TENM3: variants seen among roughly 807,000 people sequenced by gnomAD.
TENM3 encodes teneurin-3.
A neutral mutation model predicts 255.1 loss-of-function variants in TENM3; 63 were observed. The observed-to-expected ratio is 0.25, with a 90% CI of 0.20 to 0.30. The LOEUF (loss-of-function observed/expected upper bound fraction) is 0.30, where lower values mean the gene tolerates loss of function less well. Ranked by LOEUF, TENM3 falls within the 10% of genes least tolerant of loss-of-function variation. The pLI is 1.00. For synonymous variants in TENM3, 1,306 were observed against 1,322.3 expected, an observed-to-expected ratio of 0.99 and a Z score of 0.27; for missense variants, 2,929 against 3,461.1, an observed-to-expected ratio of 0.85 and a Z score of 3.86.
chr4:182,304,869 G>A lies in TENM3; in HGVS notation c.-75-19077G>A, dbSNP rs1159218558. ...CAGTGGTTTGCAGCCACCGTACTTC[G>A]GCTTACTGATGTGCTGCACGTGAAT... On this transcript the variant is annotated intron_variant, in intron 1 of 27. Transcript: ENST00000511685. 2.0e-5 allele frequency among the ~76,000 whole-genome samples: 3 copies of A among 152,120 alleles called. 1 individual carries two copies. Among genetic ancestry groups the A allele is most frequent in the East Asian group, 3.9e-4 (2 of 5,188 alleles).
At chr4:182,751,434 T>C (rs1762364751) in intron 19 of TENM3, among the ~76,000 whole-genome samples, 1 of 152,248 alleles carries the variant, frequency 6.6e-6, no homozygotes, top group South Asian at 2.1e-4. Context: ...AAACTTTATG[T>C]CCCTCATTCA....
chr4:181,946,132 AATG>A, the TENM3 span, among the ~76,000 whole-genome samples: 2 of 152,238 alleles, frequency 1.3e-5, no homozygotes, highest in African/African-American at 4.8e-5. Context: ...CACCATTATA[AATG>A]ATGATGCAGT....
the TENM3 span, among the ~76,000 whole-genome samples, chr4:181,850,405 G>T: frequency 1.3e-5 from 2 of 151,648 alleles, no homozygotes; most frequent in Non-Finnish European, 2.9e-5. Context: ...AATAAATTTT[G>T]GTATTTGCTT....
At chr4:182,735,664 G>A (rs1761107634) in intron 16 of TENM3, among the ~76,000 whole-genome samples, 1 of 152,188 alleles carries the variant, frequency 6.6e-6, no homozygotes, top group African/African-American at 2.4e-5. Context: ...GGAGAAAGTA[G>A]TGAGTTCCTG....
At chr4:181,624,749 T>G in the TENM3 span, among the ~76,000 whole-genome samples, 1 of 152,212 alleles carries the variant, frequency 6.6e-6, no homozygotes, top group Non-Finnish European at 1.5e-5. Context: ...ACAATTGACT[T>G]GCCCACAGTT....
At chr4:181,647,482 A>G in the TENM3 span, among the ~76,000 whole-genome samples, 2 of 152,200 alleles carry the variant, frequency 1.3e-5, no homozygotes, top group African/African-American at 2.4e-5. Flanking sequence ...AAAGGGTGCA[A>G]TATGTGTGAT....
intron 3 of TENM3, among the ~76,000 whole-genome samples, chr4:182,416,241 T>G (rs1770350038): frequency 6.6e-6 from 1 of 152,164 alleles, no homozygotes; most frequent in African/African-American, 2.4e-5. Context: ...TTATTCAAGT[T>G]GAGTTGAGGT....
rs574703332 is a variant in TENM3, at chr4:182,473,456, G to A, written c.511+126527G>A. Among the ~76,000 whole-genome samples the A allele has an allele frequency of 3.3e-5, 5 of 152,244 alleles. 1 individual carries two copies. The South Asian group carries it at 6.2e-4, about 19-fold the overall frequency. On this transcript the variant is annotated intron_variant, in intron 3 of 27. Coordinates refer to ENST00000511685, the MANE Select transcript of TENM3 (RefSeq NM_001080477.4). ...TGGGAGGCCAAGGCGGGTGGATCAC[G>A]AAGTCAGGAGATCGAGACCATGCTG...
intron 1 of TENM3, among the ~76,000 whole-genome samples, chr4:182,182,250 A>G (rs1455242940): frequency 1.3e-5 from 2 of 152,160 alleles, no homozygotes; most frequent in South Asian, 2.1e-4. Flanking sequence ...CTATTATTCT[A>G]TGATGCCAAT....
rs568131111 is a variant in TENM3, at chr4:182,360,653, G to C, written c.511+13724G>C. On this transcript the variant is annotated intron_variant, in intron 3 of 27. Transcript: ENST00000511685. ...ATGGGTTTCCTGAATACAACACACT[G>C]ATGGGTCTTGACTCTTTATCCAATT... is the stretch of plus-strand genomic sequence containing the variant. Among the ~76,000 whole-genome samples, 4 of 152,240 alleles carry C rather than the reference G, an allele frequency of 2.6e-5. No individual in the cohort carries two copies. The East Asian group carries it at 7.7e-4, about 29-fold the overall frequency.
At chr4:182,259,415 G>A (rs76928732) in intron 1 of TENM3, among the ~76,000 whole-genome samples, 1,749 of 152,144 alleles carry the variant, frequency 0.011, 40 homozygotes, top group African/African-American at 0.038. Flanking sequence ...GGGCTTCAGC[G>A]ATTCTCCCAC....
chr4:182,538,981 G>A (rs1166693129), intron 3 of TENM3, among the ~76,000 whole-genome samples: 1 of 151,912 alleles, frequency 6.6e-6, no homozygotes, highest in African/African-American at 2.4e-5. Context: ...CTGTGGCTGA[G>A]TAGCTCAAGG....
the TENM3 span, among the ~76,000 whole-genome samples, chr4:181,892,112 A>G: frequency 6.6e-6 from 1 of 152,168 alleles, no homozygotes; most frequent in Non-Finnish European, 1.5e-5. Flanking sequence ...ATAAATTTCT[A>G]TTCTTTGCAA....
chr4:182,379,784 G>C lies in TENM3; in HGVS notation c.511+32855G>C, dbSNP rs942830073. ...TCCAGGTCCACCGCTCACTAGCTCT[G>C]GGGCCTTAGACAGTTTTCTGCATCT... On this transcript the variant is annotated intron_variant, in intron 3 of 27. Coordinates refer to ENST00000511685, the MANE Select transcript of TENM3 (RefSeq NM_001080477.4). 1.8e-4 allele frequency among the ~76,000 whole-genome samples: 28 copies of C among 152,150 alleles called. 1 individual carries two copies.
chr4:182,641,616 C>T (rs780566160), intron 5 of TENM3, among the ~76,000 whole-genome samples: 4 of 151,916 alleles, frequency 2.6e-5, no homozygotes, highest in Non-Finnish European at 5.9e-5. Flanking sequence ...CAACCTCCAC[C>T]TCATAGGTTC....
At chr4:182,440,148 T>C (rs1403427164) in intron 3 of TENM3, among the ~76,000 whole-genome samples, 1 of 144,876 alleles carries the variant, frequency 6.9e-6, no homozygotes, top group Non-Finnish European at 1.5e-5. Flanking sequence ...AGTCTCGCTC[T>C]GTTGCCCAGG....
the TENM3 span, among the ~76,000 whole-genome samples, chr4:181,777,093 A>T: frequency 1.3e-5 from 2 of 151,986 alleles, no homozygotes; most frequent in Non-Finnish European, 2.9e-5. Context: ...ATCCATCTTA[A>T]GTTAATTTTT....
intron 24 of TENM3, among the ~76,000 whole-genome samples, chr4:182,787,821 G>C (rs566852045): frequency 1.4e-4 from 21 of 150,648 alleles, no homozygotes; most frequent in Admixed American, 4.6e-4. Context: ...CTCTCTGGGT[G>C]CTTCCCACCC....
At chr4:181,798,111 G>GTGTGTGTA in the TENM3 span, among the ~76,000 whole-genome samples, 6 of 150,818 alleles carry the variant, frequency 4.0e-5, no homozygotes, top group East Asian at 1.2e-3. Context: ...GTGTGTGTGT[G>GTGTGTGTA]TGTGTATAGT....
Sources: allele counts gnomAD v4.1 joint callset (sites outside exome capture counted in the v4.1 genomes callset), GRCh38; gene constraint gnomAD v4.1.1; transcripts MANE v1.5; gene names NCBI Gene and HGNC (gene_info 2026-07-23, HGNC 2026-07-21).